The following PTPRD variants were observed in gnomAD, a reference collection of about 807,000 sequenced individuals.
PTPRD encodes receptor-type tyrosine-protein phosphatase delta.
A neutral mutation model predicts 214.5 loss-of-function variants in PTPRD; 34 were observed. The observed-to-expected ratio is 0.16, with a 90% CI of 0.12 to 0.21. The LOEUF is 0.21. Among genes scored for constraint, PTPRD ranks in the 10% least tolerant of loss-of-function variants. The pLI, the probability that PTPRD is intolerant of heterozygous loss-of-function variation, is 1.00. For missense variants in PTPRD, 2,545 were observed against 2,398.7 expected (o/e 1.06, Z -1.27); for synonymous variants, 1,128 against 845.7 (o/e 1.33, Z -5.79).
intron 12 of PTPRD, among the ~76,000 whole-genome samples, chr9:8,704,758 C>CAA (rs569357894): frequency 8.0e-5 from 11 of 137,880 alleles, no homozygotes; most frequent in Admixed American, 3.6e-4. Flanking sequence ...ACTAAAAATA[C>CAA]AAAAAAAAAA....
intron 8 of PTPRD, among the ~76,000 whole-genome samples, chr9:9,544,663 TAA>T (rs906137186): frequency 1.9e-4 from 29 of 151,876 alleles, no homozygotes; most frequent in Non-Finnish European, 4.0e-4. Flanking sequence ...TCATACAAAT[TAA>T]AGTCATACAG....
intron 26 of PTPRD, among the ~76,000 whole-genome samples, chr9:8,494,586 C>T (rs1314892603): frequency 6.6e-6 from 1 of 152,170 alleles, no homozygotes; most frequent in South Asian, 2.1e-4. Context: ...GCAGTCATGG[C>T]TAACTGGAAA....
At chr9:9,091,580 T>C (rs1437250027) in intron 10 of PTPRD, among the ~76,000 whole-genome samples, 1 of 152,192 alleles carries the variant, frequency 6.6e-6, no homozygotes, top group African/African-American at 2.4e-5. Context: ...AATAAGCCTA[T>C]TCAGCACTTT....
At chr9:8,469,478 T>C (rs1211539907) in intron 31 of PTPRD, among the ~76,000 whole-genome samples, 3 of 152,202 alleles carry the variant, frequency 2.0e-5, no homozygotes, top group South Asian at 4.1e-4. Flanking sequence ...ATGACACTTC[T>C]GTAGTTCAGC....
intron 5 of PTPRD, among the ~76,000 whole-genome samples, chr9:9,921,375 C>T (rs894843858): frequency 2.0e-5 from 3 of 151,738 alleles, no homozygotes; most frequent in African/African-American, 4.8e-5. Flanking sequence ...AAGAATGTGT[C>T]CTTAATTCAT....
At chr9:9,706,527 C>T (rs2154418661) in intron 7 of PTPRD, among the ~76,000 whole-genome samples, 1 of 152,102 alleles carries the variant, frequency 6.6e-6, no homozygotes, top group South Asian at 2.1e-4. Context: ...GCAACCTCCA[C>T]CTCCTGGGTT....
chr9:10,447,673 A>G (rs1176891054), intron 2 of PTPRD, among the ~76,000 whole-genome samples: 1 of 152,036 alleles, frequency 6.6e-6, no homozygotes, highest in Admixed American at 6.5e-5. Context: ...ATGCAAGACT[A>G]AGAACCCAAA....
At chr9:8,420,721 G>A (rs968793510) in intron 35 of PTPRD, among the ~76,000 whole-genome samples, 2 of 151,948 alleles carry the variant, frequency 1.3e-5, no homozygotes, top group African/African-American at 4.8e-5. Context: ...GAAATTTATA[G>A]GCAGATTTTT....
intron 5 of PTPRD, among the ~76,000 whole-genome samples, chr9:9,892,310 A>T (rs1050082451): frequency 6.6e-6 from 1 of 152,138 alleles, no homozygotes; most frequent in Non-Finnish European, 1.5e-5. Context: ...AAGGAGGTGA[A>T]GGAACAGTCC....
At chr9:8,890,933 T>C (rs1179439400) in intron 11 of PTPRD, among the ~76,000 whole-genome samples, 2 of 152,182 alleles carry the variant, frequency 1.3e-5, no homozygotes, top group Non-Finnish European at 2.9e-5. Flanking sequence ...TTTTCAGTCA[T>C]AGACCAGGTT....
intron 30 of PTPRD, among the ~76,000 whole-genome samples, chr9:8,481,745 T>G (rs1028372372): frequency 6.6e-6 from 1 of 152,098 alleles, no homozygotes; most frequent in Non-Finnish European, 1.5e-5. Context: ...CATTGCTATT[T>G]TGTTAACAAC....
chr9:9,832,318 A>T (rs938566529), intron 5 of PTPRD, among the ~76,000 whole-genome samples: 8 of 152,030 alleles, frequency 5.3e-5, no homozygotes, highest in African/African-American at 1.9e-4. Context: ...CTGCTAAGAA[A>T]ATACCCCTAT....
At chr9:9,298,116 C>CA (rs1446858066) in intron 9 of PTPRD, among the ~76,000 whole-genome samples, 2 of 151,552 alleles carry the variant, frequency 1.3e-5, no homozygotes, top group Non-Finnish European at 3.0e-5. Context: ...AGTGTAGTGG[C>CA]ACTGATAGAA....
chr9:10,063,429 A>T (rs560262418), intron 3 of PTPRD, among the ~76,000 whole-genome samples: 31 of 152,080 alleles, frequency 2.0e-4, no homozygotes, highest in Non-Finnish European at 4.3e-4. Context: ...ATAGTATAGT[A>T]AGAAAAAAAG....
At chr9:9,507,296 G>C (rs2096592747) in intron 8 of PTPRD, among the ~76,000 whole-genome samples, 1 of 150,852 alleles carries the variant, frequency 6.6e-6, no homozygotes, top group Non-Finnish European at 1.5e-5. Flanking sequence ...GCAGAAACTG[G>C]GATTAAATTT....
chr9:10,198,977 C>T (rs1770855680), intron 3 of PTPRD, among the ~76,000 whole-genome samples: 1 of 152,082 alleles, frequency 6.6e-6, no homozygotes, highest in African/African-American at 2.4e-5. Context: ...GTGATGTTCA[C>T]AGAGTTATGA....
At chr9:9,850,708 C>G (rs1407936552) in intron 5 of PTPRD, among the ~76,000 whole-genome samples, 1 of 152,008 alleles carries the variant, frequency 6.6e-6, no homozygotes, top group African/African-American at 2.4e-5. Flanking sequence ...ACTCTCTAAG[C>G]AATTTTCAAG....
intron 14 of PTPRD, among the ~76,000 whole-genome samples, chr9:8,563,790 T>C (rs770584841): frequency 1.3e-5 from 2 of 151,998 alleles, no homozygotes; most frequent in Non-Finnish European, 2.9e-5. Context: ...GCCTCCAGAG[T>C]AGCTGGGACT....
At chr9:10,120,957 A>C (rs1411891320) in intron 3 of PTPRD, among the ~76,000 whole-genome samples, 1 of 152,144 alleles carries the variant, frequency 6.6e-6, no homozygotes, top group Non-Finnish European at 1.5e-5. Flanking sequence ...CTCAAAATAC[A>C]TTACCAGCAG....
Sources: allele counts gnomAD v4.1 joint callset (sites outside exome capture counted in the v4.1 genomes callset), GRCh38; gene constraint gnomAD v4.1.1; transcripts MANE v1.5; gene names NCBI Gene and HGNC (gene_info 2026-07-23, HGNC 2026-07-21).